Variants in MPP4 observed in about 807,000 individuals in gnomAD.
The protein encoded by MPP4 is MAGUK p55 subfamily member 4.
MPP4 carries 91 observed loss-of-function variants against 98.3 expected under a neutral mutation model. That is an observed-to-expected ratio of 0.93 (90% confidence interval 0.78 to 1.10). The LOEUF (loss-of-function observed/expected upper bound fraction) is 1.10. Ranked by LOEUF, MPP4 falls within the 50% of genes least tolerant of loss-of-function variation. The probability of loss-of-function intolerance (pLI) is 0.00; values close to 1 mark genes in which losing one functional copy is unlikely to be tolerated. For missense variants in MPP4, 744 were observed against 792.9 expected, an observed-to-expected ratio of 0.94 and a Z score of 0.74; for synonymous variants, 261 against 271.8, an observed-to-expected ratio of 0.96 and a Z score of 0.39.
chr2:201,668,989 G>C (rs563471417), intron 12 of MPP4, among the ~76,000 whole-genome samples: 1 of 152,224 alleles, frequency 6.6e-6, no homozygotes, highest in South Asian at 2.1e-4. Context: ...TCATCTTGCA[G>C]TTCTCTGTTT....
At chr2:201,657,601 G>GT (rs1393900511) in intron 16 of MPP4, among the ~76,000 whole-genome samples, 3,621 of 104,924 alleles carry the variant, frequency 0.035, 421 homozygotes, top group African/African-American at 0.13. Flanking sequence ...TTTTTTTTTT[G>GT]TTTTTTTGTT....
At position 201,659,537 on chromosome 2, in the gene MPP4, T is replaced by C. The variant is rs139931306; in HGVS notation, c.1087+795A>G. Among the ~76,000 whole-genome samples, 7 of 152,302 alleles carry C rather than the reference T, an allele frequency of 4.6e-5. No homozygotes were observed. The East Asian group carries it at 5.8e-4, about 13-fold the overall frequency. On this transcript the variant is annotated intron_variant, in intron 15 of 21. Transcript: ENST00000409474. ...CAAATATACAGCTCTGCTCTGATCA[T>C]TGAAATAATATATAGCCAGGTGCAG...
In MPP4 at chr2:201,669,870, T is replaced by A. The variant is rs1574617167; in HGVS notation, c.995-120A>T. 2.8e-5 allele frequency: 20 copies of A among 717,904 alleles called. No homozygotes were observed. The East Asian group carries it at 6.9e-4, about 25-fold the overall frequency. The allele number at this position is 717,904 out of a possible 1,614,324, so 44.5% of individuals were successfully genotyped here. A position where few individuals can be genotyped will look rare whatever the true frequency, so the allele number is the denominator to read the frequency against. ...GTGCAAAAATTATTGTAATTAGTAT[T>A]CTGGGTTTATTCTCTAGAAATTCAG... On this transcript the variant is annotated intron_variant, in intron 11 of 21. Transcript: ENST00000409474.
intron 17 of MPP4, among the ~76,000 whole-genome samples, chr2:201,655,141 G>C (rs1196223181): frequency 6.6e-6 from 1 of 152,192 alleles, no homozygotes; most frequent in African/African-American, 2.4e-5. Context: ...TCAGGAATGA[G>C]GTAAGGAATC....
chr2:201,663,929 A>G (rs1688093644), intron 14 of MPP4, among the ~76,000 whole-genome samples, 152 bp downstream of exon 14: 1 of 152,216 alleles, frequency 6.6e-6, no homozygotes. Flanking sequence ...TGTATATTTG[A>G]GGTTGACAAC....
chr2:201,694,782 G>A lies in MPP4; in HGVS notation c.-100-728C>T, dbSNP rs371936045. Among the ~76,000 whole-genome samples the A allele has an allele frequency of 6.8e-4, 103 of 151,504 alleles. 1 individual carries two copies. The South Asian group carries it at 0.012, about 17-fold the overall frequency. On this transcript the variant is annotated intron_variant, in intron 1 of 21. Transcript: ENST00000409474. Reference sequence around the variant, plus strand: ...ACCATAGGCATGTGCCACCACACTCGGCTAATTTTTAACTTCTTGTAGAGA... The same window carrying A: ...ACCATAGGCATGTGCCACCACACTCAGCTAATTTTTAACTTCTTGTAGAGA...
At chr2:201,696,008 CTGAT>C (rs1467609229) in intron 1 of MPP4, among the ~76,000 whole-genome samples, 1 of 152,150 alleles carries the variant, frequency 6.6e-6, no homozygotes, top group Non-Finnish European at 1.5e-5. Context: ...AGAATCTAGA[CTGAT>C]TGTGGGTTGA....
Position 201,675,282 on chromosome 2 carries a change from GA to G in MPP4, c.930-12del, listed in dbSNP as rs370762250. The G allele has an allele frequency of 1.1e-3, 1,826 of 1,598,710 alleles. 15 individuals are homozygous for G. The highest frequency in any genetic ancestry group is 0.011 in the South Asian group (952 of 88,756). On this transcript the variant is annotated splice_polypyrimidine_tract_variant and intron_variant, in intron 10 of 21. Transcript: ENST00000409474. The stretch of plus-strand genomic sequence containing the variant: ...AATTCCCGTTGCTTCCTATGGGGGG[GA>G]AAAAACCATGCGACAAAAAACAAAC...
chr2:201,682,909 T>C lies in MPP4; in HGVS notation c.582A>G (p.Leu194=), dbSNP rs114961378. Reference sequence around the variant, plus strand: ...CTTCTACCAGTTTGTCTCCAGCATATAGCAACCCTAGGCAGACAGTAACAA... The same window carrying C: ...CTTCTACCAGTTTGTCTCCAGCATACAGCAACCCTAGGCAGACAGTAACAA... ...HGGLAERSGL[L]YAGDKLVEVN... is the part of the protein sequence containing the mutation. The change falls in exon 8 of 22, where the codon CTA becomes CTG. Residue 194 remains leucine (L), a synonymous_variant. Transcript: ENST00000409474. 820 of 1,613,530 alleles carry C rather than the reference T, an allele frequency of 5.1e-4. 1 individual carries two copies. In the African/African-American group the frequency reaches 9.3e-3, roughly 18 times the overall value.
At chr2:201,666,518 CG>C in intron 12 of MPP4, 146 bp from the exon 13 acceptor site, 1 of 546,620 alleles carries the variant, frequency 1.8e-6, no homozygotes, top group Non-Finnish European at 3.1e-6. Flanking sequence ...ATCAAGAGTT[CG>C]AGACCAACTT....
At chr2:201,688,349 A>C (rs908878297) in intron 4 of MPP4, among the ~76,000 whole-genome samples, 2 of 152,200 alleles carry the variant, frequency 1.3e-5, no homozygotes, top group African/African-American at 4.8e-5. Flanking sequence ...AACAAATGAA[A>C]TGTGTAAGTA....
intron 5 of MPP4, 44 bp downstream of exon 5, chr2:201,687,247 A>C: frequency 6.8e-7 from 1 of 1,467,760 alleles, no homozygotes; most frequent in South Asian, 1.2e-5. Flanking sequence ...AACTTTGTCT[A>C]TGTGCCAGAT....
chr2:201,656,428 A>C, intron 16 of MPP4, 60 bp from the exon 17 acceptor site: 1 of 1,428,126 alleles, frequency 7.0e-7, no homozygotes, highest in Non-Finnish European at 9.4e-7. Context: ...TTGTAGCTTC[A>C]CACCTGATGA....
intron 18 of MPP4, chr2:201,651,305 A>C: frequency 1.0e-6 from 1 of 985,370 alleles, no homozygotes; most frequent in Non-Finnish European, 1.2e-6. Context: ...TTTTTTCCTT[A>C]TTCAAGCCTC....
chr2:201,676,607 A>T (rs572225935), intron 10 of MPP4, among the ~76,000 whole-genome samples: 3 of 152,226 alleles, frequency 2.0e-5, no homozygotes, highest in Non-Finnish European at 2.9e-5. Flanking sequence ...TCTTAACAGT[A>T]TAAAAAAGTA....
At chr2:201,680,198 G>A (rs1688626224) in intron 10 of MPP4, 1 of 152,262 alleles carries the variant, frequency 6.6e-6, no homozygotes, top group Non-Finnish European at 1.5e-5. Flanking sequence ...TCTCAACTCA[G>A]CCTTGAAAGA....
At chr2:201,695,200 C>T (rs981695233) in intron 1 of MPP4, among the ~76,000 whole-genome samples, 1 of 152,128 alleles carries the variant, frequency 6.6e-6, no homozygotes, top group African/African-American at 2.4e-5. Context: ...ATGGTTCTGT[C>T]TACCTGCTCC....
intron 11 of MPP4, 44 bp downstream of exon 11, chr2:201,675,163 T>C: frequency 6.4e-7 from 1 of 1,563,068 alleles, no homozygotes. Context: ...GCCATGGTCT[T>C]TATTGCAAAC....
chr2:201,669,722 C>G lies in MPP4; in HGVS notation c.1012+11G>C. The stretch of plus-strand genomic sequence containing the variant: ...GGAGATAAGAGTTTTTTCCTAAATA[C>G]TATTTCTTACCTTCTTCCATAGAAA... On this transcript the variant is annotated intron_variant, in intron 12 of 21. Transcript: ENST00000409474. The G allele has an allele frequency of 7.0e-7, 1 of 1,427,804 alleles. No homozygotes were observed. Among genetic ancestry groups the G allele is most frequent in the Non-Finnish European group, 9.3e-7 (1 of 1,078,824 alleles). 88.4% of individuals were successfully genotyped at this position (1,427,804 alleles called of 1,614,324 possible).
Sources: allele counts gnomAD v4.1 joint callset (sites outside exome capture counted in the v4.1 genomes callset), GRCh38; gene constraint gnomAD v4.1.1; transcripts MANE v1.5; gene names NCBI Gene and HGNC (gene_info 2026-07-23, HGNC 2026-07-21).